Variants in ALK observed in about 807,000 individuals in gnomAD.
ALK encodes ALK receptor tyrosine kinase, also known as ALK tyrosine kinase receptor.
ALK carries 74 observed loss-of-function variants against 163.1 expected under a neutral mutation model. That is an observed-to-expected ratio of 0.45 (90% CI 0.38 to 0.55). The LOEUF (loss-of-function observed/expected upper bound fraction) is 0.55, where lower values mean the gene tolerates loss of function less well. Ranked by LOEUF, ALK falls within the 20% of genes least tolerant of loss-of-function variation. ALK has a pLI of 0.00. For synonymous variants in ALK, 960 were observed against 843.2 expected (o/e 1.14, Z -2.40); for missense variants, 2,063 against 2,105.3 (o/e 0.98, Z 0.39).
At chr2:29,703,507 C>T (rs1678808839) in intron 2 of ALK, among the ~76,000 whole-genome samples, 1 of 152,174 alleles carries the variant, frequency 6.6e-6, no homozygotes, top group African/African-American at 2.4e-5. Context: ...AGTGAGAAGC[C>T]TCATTTCCCA....
chr2:29,349,571 C>T (rs545861750), intron 5 of ALK, among the ~76,000 whole-genome samples: 2 of 152,320 alleles, frequency 1.3e-5, no homozygotes, highest in South Asian at 4.1e-4. Context: ...CAGGGATCCT[C>T]TGTACCTGGG....
At chr2:29,373,083 C>A (rs1668675616) in intron 5 of ALK, among the ~76,000 whole-genome samples, 1 of 152,162 alleles carries the variant, frequency 6.6e-6, no homozygotes, top group Non-Finnish European at 1.5e-5. Context: ...GCTGGAGCAT[C>A]CGTCTCATTA....
intron 3 of ALK, among the ~76,000 whole-genome samples, chr2:29,555,987 C>G (rs1673846736): frequency 6.6e-6 from 1 of 152,176 alleles, no homozygotes; most frequent in South Asian, 2.1e-4. Flanking sequence ...TCTAAAATGC[C>G]AGGCTCAAGG....
rs566140529 is a variant in ALK, at chr2:29,370,084, C to T, written c.1282+13648G>A. On this transcript the variant is annotated intron_variant, in intron 5 of 28. Transcript: ENST00000389048. ...CTAACAAGAAAGAAAGACATCGATC[C>T]TGTGATGGTAAGACAAGGAGGAAAA... 5.3e-5 allele frequency among the ~76,000 whole-genome samples: 8 copies of T among 152,290 alleles called. No homozygotes were observed. In the South Asian group the frequency reaches 1.7e-3, roughly 32 times the overall value.
chr2:29,218,172 C>G (rs1045088675), intron 23 of ALK, among the ~76,000 whole-genome samples: 2 of 152,184 alleles, frequency 1.3e-5, no homozygotes, highest in African/African-American at 4.8e-5. Flanking sequence ...TCACCTGGGC[C>G]TGGTGGGTGT....
chr2:29,465,501 C>G (rs970838994), intron 4 of ALK, among the ~76,000 whole-genome samples: 3 of 152,046 alleles, frequency 2.0e-5, no homozygotes, highest in African/African-American at 7.2e-5. Context: ...TGAGACCAGC[C>G]TGGCCAACAT....
At chr2:29,858,592 A>T (rs965959167) in intron 1 of ALK, among the ~76,000 whole-genome samples, 15 of 151,926 alleles carry the variant, frequency 9.9e-5, no homozygotes, top group Admixed American at 2.0e-4. Context: ...AAAAAAAAAA[A>T]ATTAGCCGCT....
rs57598066 is a variant in ALK at position 29,332,285 on chromosome 2, C to CAA, written c.1283-3806_1283-3805dup. On this transcript the variant is annotated intron_variant, in intron 5 of 28. Transcript: ENST00000389048. Reference sequence around the variant, plus strand: ...TAGGAGACAGAGTGAGACTCCATCTCAAAAAAAAAAAAAAAAAAAAAAAAA... The same window carrying CAA: ...TAGGAGACAGAGTGAGACTCCATCTCAAAAAAAAAAAAAAAAAAAAAAAAAAA... Among the ~76,000 whole-genome samples, 106 of 18,360 alleles carry CAA rather than the reference C, an allele frequency of 5.8e-3. 35 individuals are homozygous for CAA. Among genetic ancestry groups the CAA allele is most frequent in the Non-Finnish European group, 9.3e-3 (82 of 8,786 alleles). The allele number at this position is 18,360 out of a possible 152,430, so 12.0% of individuals were successfully genotyped here.
At chr2:29,788,606 C>G (rs1664105833) in intron 1 of ALK, among the ~76,000 whole-genome samples, 1 of 152,194 alleles carries the variant, frequency 6.6e-6, no homozygotes, top group Non-Finnish European at 1.5e-5. Context: ...CCGATGCAGA[C>G]TGAATTTCTG....
chr2:29,550,053 T>C (rs1245771147), intron 3 of ALK, among the ~76,000 whole-genome samples: 3 of 152,124 alleles, frequency 2.0e-5, no homozygotes, highest in Non-Finnish European at 4.4e-5. Context: ...CTAGGACAAG[T>C]CACATCTCCC....
At chr2:29,331,092 A>C (rs1667425399) in intron 5 of ALK, among the ~76,000 whole-genome samples, 1 of 152,192 alleles carries the variant, frequency 6.6e-6, no homozygotes, top group Non-Finnish European at 1.5e-5. Context: ...GAGTAGATTT[A>C]GATCCACTTC....
intron 3 of ALK, among the ~76,000 whole-genome samples, chr2:29,570,151 C>CT (rs1169719389): frequency 6.6e-6 from 1 of 152,138 alleles, no homozygotes; most frequent in African/African-American, 2.4e-5. Flanking sequence ...ATTAGACTCT[C>CT]TAGGGCATGC....
chr2:29,728,326 T>C (rs1377621287), intron 1 of ALK, among the ~76,000 whole-genome samples: 1 of 152,176 alleles, frequency 6.6e-6, no homozygotes, highest in Non-Finnish European at 1.5e-5. Flanking sequence ...CCAAAAGGGG[T>C]GGAGCTAAGA....
At chr2:29,222,436 G>A (rs2148168854) in intron 21 of ALK, 28 bp from the exon 22 acceptor site, 2 of 1,613,716 alleles carry the variant, frequency 1.2e-6, no homozygotes, top group Non-Finnish European at 1.7e-6. Context: ...GGGTGGGGAG[G>A]AGGAGGAGGC....
chr2:29,786,360 T>G (rs4452101), intron 1 of ALK, among the ~76,000 whole-genome samples: 2 of 152,192 alleles, frequency 1.3e-5, no homozygotes, highest in African/African-American at 2.4e-5. Flanking sequence ...TCTTATTCCA[T>G]TTAACTAAAG....
intron 1 of ALK, among the ~76,000 whole-genome samples, chr2:29,759,266 G>C (rs1680632335): frequency 6.6e-6 from 1 of 152,080 alleles, no homozygotes. Flanking sequence ...TTTCCGTTTA[G>C]TCAACTAAGT....
intron 1 of ALK, among the ~76,000 whole-genome samples, chr2:29,871,695 T>A (rs540904473): frequency 1.3e-5 from 2 of 151,852 alleles, no homozygotes; most frequent in African/African-American, 4.8e-5. Context: ...ATCACATGAG[T>A]CCCCTCCCCC....
chr2:29,402,531 G>C (rs753774546), intron 4 of ALK, among the ~76,000 whole-genome samples: 2 of 152,188 alleles, frequency 1.3e-5, no homozygotes, highest in Admixed American at 1.3e-4. Flanking sequence ...AGGATTAAAT[G>C]GTAGAATGAA....
intron 13 of ALK, among the ~76,000 whole-genome samples, chr2:29,233,993 G>GT (rs769726076): frequency 1.7e-4 from 26 of 150,472 alleles, no homozygotes; most frequent in Non-Finnish European, 2.4e-4. Context: ...AGGATAGGGA[G>GT]TTTTTTTTTG....
Sources: gnomAD v4.1 joint callset for allele counts (sites outside exome capture counted in the v4.1 genomes callset) on GRCh38, gnomAD v4.1.1 for gene constraint, MANE v1.5 for transcripts, NCBI Gene and HGNC (gene_info 2026-07-23, HGNC 2026-07-21) for gene names.